SMARCC2: variants seen among roughly 807,000 people sequenced by gnomAD.
SMARCC2 encodes the protein SWI/SNF related BAF chromatin remodeling complex subunit C2.
A neutral mutation model predicts 151.3 loss-of-function variants in SMARCC2; 15 were observed. The observed-to-expected ratio is 0.10, with a 90% CI of 0.07 to 0.15. The LOEUF (loss-of-function observed/expected upper bound fraction) is 0.15, where lower values mean the gene tolerates loss of function less well. SMARCC2 is among the 10% of genes least tolerant of loss of function. SMARCC2 has a pLI of 1.00. For missense variants in SMARCC2, 1,031 were observed against 1,599.7 expected (o/e 0.64, Z 6.06); for synonymous variants, 590 against 609.5 (o/e 0.97, Z 0.47).
At chr12:56,187,955 T>C (rs967062184) in intron 1 of SMARCC2, among the ~76,000 whole-genome samples, 2 of 152,206 alleles carry the variant, frequency 1.3e-5, no homozygotes, top group African/African-American at 4.8e-5. Context: ...GCCCTACTTC[T>C]ATGTTTCCAC....
Position 56,181,818 on chromosome 12 carries a change from G to A in SMARCC2, c.726C>T (p.Ile242=). The change falls in exon 9 of 29, where the codon ATC becomes ATT. Residue 242 remains isoleucine, a synonymous_variant. Transcript: ENST00000550164. The part of the protein sequence containing the change: ...EKPRKVHAKW[I]LDTDTFNEWM... ...ATTCATTGAAGGTGTCGGTGTCCAGGATCCACTTTGCATGAACCTAAAGTA... is the reference window on the plus strand; with the variant it reads ...ATTCATTGAAGGTGTCGGTGTCCAGAATCCACTTTGCATGAACCTAAAGTA... 1 of 1,614,104 alleles carries A rather than the reference G, an allele frequency of 6.2e-7. No individual in the cohort carries two copies. Among genetic ancestry groups the A allele is most frequent in the South Asian group, 1.1e-5 (1 of 91,074 alleles).
rs570928105 is a variant in SMARCC2 at position 56,185,506 on chromosome 12, T to A, written c.318-395A>T. ...CCTTTTTTTTTTTCTTGAGAGGGAG[T>A]CCCGCTCTGTTGCCCAGGCTGGAGT... On this transcript the variant is annotated intron_variant, in intron 3 of 28. Transcript: ENST00000550164. The A allele has an allele frequency of 1.9e-3, 381 of 203,962 alleles. 7 individuals are homozygous for A. The highest frequency in any genetic ancestry group is 0.01 in the African/African-American group (363 of 35,264). 12.6% of individuals were successfully genotyped at this position (203,962 alleles called of 1,614,324 possible).
intron 7 of SMARCC2, chr12:56,183,539 G>T: frequency 4.1e-6 from 1 of 243,736 alleles, no homozygotes; most frequent in Non-Finnish European, 8.1e-6. Flanking sequence ...TTTAAAGACT[G>T]CATAATAGTC....
At position 56,186,238 on chromosome 12, in the gene SMARCC2, G is replaced by C. The variant is rs138923102; in HGVS notation, c.234C>G (p.Ile78Met). The C allele has an allele frequency of 5.4e-5, 87 of 1,599,912 alleles. No homozygotes were observed. Among genetic ancestry groups the C allele is most frequent in the Non-Finnish European group, 1.5e-5 (17 of 1,167,480 alleles). Residue 78 changes from isoleucine (I) to methionine (M), a missense_variant and splice_region_variant, in exon 3 of 29, where the codon ATC (isoleucine) becomes ATG (methionine). Transcript: ENST00000550164. ...VSNAPLTKLPIKCFLDFKAGG... is the reference protein window; with the variant it reads ...VSNAPLTKLPMKCFLDFKAGG... ...CCGCTTTGAAATCTAGGAAACATTT[G>C]ATCTACAAAATCAAGATACGGAAAA... is the stretch of plus-strand genomic sequence containing the variant.
chr12:56,165,604 G>A lies in SMARCC2; in HGVS notation c.2946C>T (p.Phe982=), dbSNP rs767321497. The part of the protein sequence containing the change: ...YAEMRARQQH[F]QQMHQQQQQP... ...GCTGCTGCTGTTGGTGCATCTGTTG[G>A]AAGTGCTGCTGCCGAGCCCTCATCT... is the stretch of plus-strand genomic sequence containing the variant. The change falls in exon 27 of 29, where the codon TTC becomes TTT. Residue 982 remains phenylalanine, a synonymous_variant. Coordinates refer to ENST00000550164, the MANE Select transcript of SMARCC2 (RefSeq NM_001330288.2). The A allele has an allele frequency of 1.2e-6, 2 of 1,613,810 alleles. No homozygotes were observed. Among genetic ancestry groups the A allele is most frequent in the Admixed American group, 3.3e-5 (2 of 60,028 alleles).
At chr12:56,178,761 A>G in intron 13 of SMARCC2, 49 bp downstream of exon 13, 1 of 1,587,584 alleles carries the variant, frequency 6.3e-7, no homozygotes, top group Non-Finnish European at 8.7e-7. Context: ...CTTTATAATC[A>G]CAAATCAGAA....
chr12:56,166,447 G>T (rs114100818), intron 26 of SMARCC2, among the ~76,000 whole-genome samples: 2 of 151,914 alleles, frequency 1.3e-5, no homozygotes, highest in Non-Finnish European at 2.9e-5. Context: ...CACCGCGCCC[G>T]GCTGATGTGC....
chr12:56,164,491 G>A lies in SMARCC2; in HGVS notation c.3473C>T (p.Pro1158Leu), dbSNP rs1415027990. Residue 1158 changes from proline (P) to leucine (L), a missense_variant, in exon 28 of 29, where the codon CCG becomes CTG. This residue lies in a region of SMARCC2 where 310 missense variants were observed against 350.0 expected (regional missense o/e 0.89). Transcript: ENST00000550164. ...CAGGTTAGGTGGGGGGAGAGTGCCC[G>A]GGGCGAACGGGAGATGGTGGTGATG... ...HGHHHHLPFA[P>L]GTLPPPNLPV... is the part of the protein sequence containing the mutation. 6.2e-6 allele frequency: 10 copies of A among 1,614,180 alleles called. No individual in the cohort carries two copies. In the East Asian group the frequency reaches 6.7e-5, roughly 11 times the overall value.
In SMARCC2 at chr12:56,165,703, C is replaced by T; in HGVS notation, c.2851-4G>A. On this transcript the variant is annotated splice_polypyrimidine_tract_variant and splice_region_variant and intron_variant, in intron 26 of 28. Transcript: ENST00000550164. ...GCTGCTGCCTCTGATACTCCAGCTG[C>T]CAGTGCCAATTGAGTATTGTTATCC... 1.2e-6 allele frequency: 2 copies of T among 1,608,100 alleles called. 1 individual carries two copies. Among genetic ancestry groups the T allele is most frequent in the South Asian group, 2.2e-5 (2 of 91,086 alleles).
rs758993030 is a variant in SMARCC2 at position 56,179,051 on chromosome 12, T to C, written c.1087A>G (p.Thr363Ala). Residue 363 changes from threonine to alanine, a missense_variant, in exon 12 of 29, where the codon ACA becomes GCA. By Grantham distance (58) the Thr-to-Ala change is moderately conservative. This residue lies in a region of SMARCC2 where 127 missense variants were observed against 141.7 expected (regional missense o/e 0.90). Transcript: ENST00000550164. The stretch of plus-strand genomic sequence containing the variant: ...GGGGCCGACTCTGAGTCTTTCTTTG[T>C]GTTGACTGCGAAAACAGAGAGTCAT... ...EEVTLPKTVNTKKDSESAPVK... is the reference protein window; with the variant it reads ...EEVTLPKTVNAKKDSESAPVK... 1 of 1,614,158 alleles carries C rather than the reference T, an allele frequency of 6.2e-7. No homozygotes were observed. The highest frequency in any genetic ancestry group is 8.5e-7 in the Non-Finnish European group (1 of 1,179,984).
intron 25 of SMARCC2, among the ~76,000 whole-genome samples, chr12:56,168,894 C>T (rs566413855): frequency 1.1e-4 from 17 of 152,130 alleles, no homozygotes; most frequent in African/African-American, 3.6e-4. Context: ...GTGGGAGAAT[C>T]GCTTGAACCT....
At chr12:56,165,191 G>GT (rs1340621157) in intron 27 of SMARCC2, 127 bp downstream of exon 27, 63 of 1,213,040 alleles carry the variant, frequency 5.2e-5, no homozygotes, top group South Asian at 3.6e-4. Flanking sequence ...GCCTAAGAGA[G>GT]ATGGGCCCAT....
At chr12:56,164,801 T>C in intron 27 of SMARCC2, 70 bp from the exon 28 acceptor site, 1 of 1,298,434 alleles carries the variant, frequency 7.7e-7, no homozygotes, top group African/African-American at 1.5e-5. Flanking sequence ...CTTTTCTATT[T>C]TTTTTTTAGA....
rs760804120 is a variant in SMARCC2, at chr12:56,189,404, T to A, written c.58A>T (p.Thr20Ser). ...CGCACGTTGTCGAACTGGGTCACGG[T>A]GTCCGCGGCCTCGTAGTACTTCACG... ...PNVKYYEAAD[T>S]VTQFDNVRLW... The change falls in exon 1 of 29, where the codon ACC becomes TCC. Residue 20 changes from threonine to serine, a missense_variant. Around this residue, in one of 12 missense-constraint regions of SMARCC2, gnomAD observed 50 missense variants for 52.4 expected, o/e 0.95. Coordinates refer to ENST00000550164, the MANE Select transcript of SMARCC2 (RefSeq NM_001330288.2). The A allele has an allele frequency of 1.9e-6, 3 of 1,541,196 alleles. No homozygotes were observed. Among genetic ancestry groups the A allele is most frequent in the Non-Finnish European group, 2.6e-6 (3 of 1,141,076 alleles).
At position 56,165,462 on chromosome 12, in the gene SMARCC2, C is replaced by T. The variant is rs759604430; in HGVS notation, c.3088G>A (p.Gly1030Ser). 6.5e-7 allele frequency: 1 copy of T among 1,541,036 alleles called. No homozygotes were observed. ...AAACTTCCTGGAGGGGCCCCACTGC[C>T]AGCAGGAGCAGGGACTACAGAGGCT... ...APASVVPAPA[G>S]SGAPPGSLGP... Residue 1030 changes from glycine to serine, a missense_variant, in exon 27 of 29, where the codon GGC (glycine) becomes AGC (serine). Around this residue, in one of 12 missense-constraint regions of SMARCC2, gnomAD observed 310 missense variants for 350.0 expected, o/e 0.89. Coordinates refer to ENST00000550164, the MANE Select transcript of SMARCC2 (RefSeq NM_001330288.2).
rs1565917392 is a variant in SMARCC2, at chr12:56,181,610, G to C, written c.841-13C>G. 3.7e-6 allele frequency: 6 copies of C among 1,605,672 alleles called. No individual in the cohort carries two copies. The South Asian group carries it at 6.7e-5, about 18-fold the overall frequency. On this transcript the variant is annotated splice_polypyrimidine_tract_variant and intron_variant, in intron 9 of 28. Coordinates refer to ENST00000550164, the MANE Select transcript of SMARCC2 (RefSeq NM_001330288.2). ...CTGGGCTGTTCACCTATAGGATGGA[G>C]AATCAGGACAAATGTCAGCCTACAA...
chr12:56,186,053 A>T, intron 3 of SMARCC2, 102 bp downstream of exon 3: 1 of 877,836 alleles, frequency 1.1e-6, no homozygotes, highest in Non-Finnish European at 1.9e-6. Flanking sequence ...CCAGCAAAAT[A>T]AAGAGACTCA....
At position 56,163,327 on chromosome 12, in the gene SMARCC2, CT is replaced by C. The variant is rs35695803; in HGVS notation, c.*361del. 19,341 of 139,714 alleles carry C rather than the reference CT, an allele frequency of 0.14. 1,610 individuals are homozygous for C. The highest frequency in any genetic ancestry group is 0.32 in the South Asian group (1,374 of 4,322). 8.7% of individuals were successfully genotyped at this position (139,714 alleles called of 1,614,324 possible). A position where few individuals can be genotyped will look rare whatever the true frequency, so the allele number is the denominator to read the frequency against. ...CTCCAATGTGGCTTTTTAAAATCTA[CT>C]TTTTTTTTTTTTTTTTAATCCATAG... On this transcript the variant is annotated 3_prime_UTR_variant, in exon 29 of 29. Coordinates refer to ENST00000550164, the MANE Select transcript of SMARCC2 (RefSeq NM_001330288.2).
intron 5 of SMARCC2, 78 bp from the exon 6 acceptor site, chr12:56,184,322 T>C: frequency 9.7e-7 from 1 of 1,029,896 alleles, no homozygotes; most frequent in Non-Finnish European, 1.5e-6. Context: ...GCTGCCTTCC[T>C]AACCATATTT....
Sources: gnomAD v4.1 joint callset for allele counts (sites outside exome capture counted in the v4.1 genomes callset) on GRCh38, gnomAD v4.1.1 for gene constraint, gnomAD v4.1.1 regional missense constraint, MANE v1.5 for transcripts, NCBI Gene and HGNC (gene_info 2026-07-23, HGNC 2026-07-21) for gene names.